Variants in TNKS observed in about 807,000 individuals in gnomAD.
TNKS encodes the protein poly [ADP-ribose] polymerase tankyrase-1.
TNKS carries 72 observed loss-of-function variants against 135.8 expected under a neutral mutation model. That is an observed-to-expected ratio of 0.53 (90% confidence interval 0.44 to 0.64). The LOEUF is 0.64. Ranked by LOEUF, TNKS falls within the 30% of genes least tolerant of loss-of-function variation. TNKS has a pLI of 0.00. For missense variants in TNKS, 1,769 were observed against 1,674.0 expected (o/e 1.06, Z -0.99); for synonymous variants, 849 against 649.3 (o/e 1.31, Z -4.68).
chr8:9,575,065 G>T (rs1162702539), intron 1 of TNKS: 1 of 985,100 alleles, frequency 1.0e-6, no homozygotes, highest in East Asian at 1.1e-4. Flanking sequence ...CAAATTGTGT[G>T]AGACAAGTGA....
chr8:9,646,291 T>G (rs911031387), intron 3 of TNKS, among the ~76,000 whole-genome samples: 3 of 152,164 alleles, frequency 2.0e-5, no homozygotes, highest in African/African-American at 4.8e-5. Context: ...TTGCATGTCT[T>G]TCTTTGGCCT....
intron 3 of TNKS, among the ~76,000 whole-genome samples, chr8:9,627,204 G>A (rs996124336): frequency 2.0e-5 from 3 of 152,160 alleles, no homozygotes; most frequent in East Asian, 3.9e-4. Flanking sequence ...GCATGGAAGC[G>A]CCTCTCCCCC....
chr8:9,712,096 A>G (rs1319760027), intron 11 of TNKS, among the ~76,000 whole-genome samples: 1 of 152,272 alleles, frequency 6.6e-6, no homozygotes, highest in Non-Finnish European at 1.5e-5. Flanking sequence ...GAGTAGGCAT[A>G]GTTAACAATG....
At chr8:9,624,596 A>G (rs1799986879) in intron 3 of TNKS, among the ~76,000 whole-genome samples, 1 of 152,252 alleles carries the variant, frequency 6.6e-6, no homozygotes, top group Non-Finnish European at 1.5e-5. Flanking sequence ...TTTCTGTCAT[A>G]GAAATACATA....
At chr8:9,631,179 T>C (rs1263558510) in intron 3 of TNKS, among the ~76,000 whole-genome samples, 3 of 152,212 alleles carry the variant, frequency 2.0e-5, no homozygotes, top group African/African-American at 7.2e-5. Flanking sequence ...TAAAGTAGTT[T>C]TTATAACATT....
intron 2 of TNKS, among the ~76,000 whole-genome samples, chr8:9,605,549 T>C (rs1305891323): frequency 6.6e-6 from 1 of 152,126 alleles, no homozygotes; most frequent in Non-Finnish European, 1.5e-5. Context: ...TATATTTAGC[T>C]ATATAAGGAA....
At chr8:9,608,048 C>T (rs1799301303) in intron 2 of TNKS, among the ~76,000 whole-genome samples, 1 of 152,098 alleles carries the variant, frequency 6.6e-6, no homozygotes, top group African/African-American at 2.4e-5. Context: ...TCAAGCGATC[C>T]TCCCACCTGA....
At chr8:9,603,131 C>G (rs1303899416) in intron 2 of TNKS, among the ~76,000 whole-genome samples, 1 of 152,078 alleles carries the variant, frequency 6.6e-6, no homozygotes, top group African/African-American at 2.4e-5. Context: ...TGGCTCACTG[C>G]AACCTCCATC....
chr8:9,589,085 C>G lies in TNKS; in HGVS notation c.898+8702C>G, dbSNP rs140670737. ...TGTGACTGAAAACGGGATTATTTCC[C>G]TGCTCCCACTGAACCTATTGACATG... On this transcript the variant is annotated intron_variant, in intron 2 of 26. Coordinates refer to ENST00000310430, the MANE Select transcript of TNKS (RefSeq NM_003747.3). Among the ~76,000 whole-genome samples the G allele has an allele frequency of 1.2e-3, 182 of 152,266 alleles. 1 individual carries two copies. The highest frequency in any genetic ancestry group is 4.2e-3 in the African/African-American group (175 of 41,544).
At chr8:9,678,240 T>C (rs1802628885) in intron 3 of TNKS, among the ~76,000 whole-genome samples, 1 of 151,696 alleles carries the variant, frequency 6.6e-6, no homozygotes. Flanking sequence ...CCTGGTTCTG[T>C]AGACATTTGG....
chr8:9,678,100 A>C (rs1199979734), intron 3 of TNKS, among the ~76,000 whole-genome samples: 1 of 152,240 alleles, frequency 6.6e-6, no homozygotes, highest in East Asian at 1.9e-4. Flanking sequence ...TTAATAGAAT[A>C]ATATTCCTTG....
At chr8:9,725,946 C>T (rs1168636149) in intron 12 of TNKS, among the ~76,000 whole-genome samples, 1 of 152,144 alleles carries the variant, frequency 6.6e-6, no homozygotes, top group African/African-American at 2.4e-5. Context: ...GCTATCATAC[C>T]TCCAATTATA....
At position 9,777,007 on chromosome 8, in the gene TNKS, G is replaced by C; in HGVS notation, c.*271G>C. On this transcript the variant is annotated 3_prime_UTR_variant, in exon 27 of 27. Transcript: ENST00000310430. ...TTGCAATTATCCATTTCTAAAACAA[G>C]ATTGCTTCGATCTAGACTTGGAAAT... The C allele has an allele frequency of 2.4e-6, 1 of 410,496 alleles. No individual in the cohort carries two copies. Among genetic ancestry groups the C allele is most frequent in the Non-Finnish European group, 4.4e-6 (1 of 226,950 alleles). The allele number at this position is 410,496 out of a possible 1,614,324, so 25.4% of individuals were successfully genotyped here.
chr8:9,599,735 A>G (rs1798938726), intron 2 of TNKS, among the ~76,000 whole-genome samples: 1 of 151,520 alleles, frequency 6.6e-6, no homozygotes, highest in African/African-American at 2.4e-5. Context: ...AAAATCTGCT[A>G]TGTATATGTA....
chr8:9,571,971 C>G (rs1024438979), intron 1 of TNKS, among the ~76,000 whole-genome samples: 1 of 152,230 alleles, frequency 6.6e-6, no homozygotes, highest in Admixed American at 6.5e-5. Flanking sequence ...TAGGGAAGGT[C>G]TCTATCCCAG....
chr8:9,670,537 T>G (rs2128792611), intron 3 of TNKS, among the ~76,000 whole-genome samples: 1 of 152,308 alleles, frequency 6.6e-6, no homozygotes, highest in African/African-American at 2.4e-5. Flanking sequence ...GTATCAACAT[T>G]TCTACCTAAA....
chr8:9,631,464 G>T (rs936992349), intron 3 of TNKS, among the ~76,000 whole-genome samples: 1 of 152,118 alleles, frequency 6.6e-6, no homozygotes, highest in Non-Finnish European at 1.5e-5. Flanking sequence ...TATAAAATAA[G>T]TTATCTAGTG....
At chr8:9,566,526 A>G (rs141856183) in intron 1 of TNKS, 1 of 151,600 alleles carries the variant, frequency 6.6e-6, no homozygotes, top group East Asian at 1.9e-4. Flanking sequence ...TTGAGTTAAC[A>G]CTTCTGATTT....
At chr8:9,636,685 A>G (rs995476986) in intron 3 of TNKS, among the ~76,000 whole-genome samples, 3 of 152,094 alleles carry the variant, frequency 2.0e-5, no homozygotes, top group Non-Finnish European at 2.9e-5. Flanking sequence ...TATCTGTGTC[A>G]TTTTGTCTTG....
Sources: gnomAD v4.1 joint callset for allele counts (sites outside exome capture counted in the v4.1 genomes callset) on GRCh38, gnomAD v4.1.1 for gene constraint, MANE v1.5 for transcripts, NCBI Gene and HGNC (gene_info 2026-07-23, HGNC 2026-07-21) for gene names.